SCARA3: variants seen among roughly 807,000 people sequenced by gnomAD.
The protein encoded by SCARA3 is scavenger receptor class A member 3.
SCARA3 carries 39 observed loss-of-function variants against 47.0 expected under a neutral mutation model. That is an observed-to-expected ratio of 0.83 (90% CI 0.64 to 1.08). The LOEUF is 1.08. Ranked by LOEUF, SCARA3 falls within the 50% of genes least tolerant of loss-of-function variation. The probability of loss-of-function intolerance (pLI) is 0.00; values close to 1 mark genes in which losing one functional copy is unlikely to be tolerated. For synonymous variants in SCARA3, 356 were observed against 334.1 expected (o/e 1.07, Z -0.71); for missense variants, 724 against 792.3 (o/e 0.91, Z 1.04).
intron 5 of SCARA3, among the ~76,000 whole-genome samples, chr8:27,670,668 C>A (rs1339268215): frequency 1.3e-5 from 2 of 152,136 alleles, no homozygotes; most frequent in African/African-American, 4.8e-5. Flanking sequence ...AGCTGGCCAG[C>A]CCCTTGTTCC....
chr8:27,720,678 A>G, the SCARA3 span, among the ~76,000 whole-genome samples: 1 of 151,408 alleles, frequency 6.6e-6, no homozygotes, highest in African/African-American at 2.4e-5. Flanking sequence ...CCATCCATCC[A>G]TCCATTCATC....
the SCARA3 span, among the ~76,000 whole-genome samples, chr8:27,721,528 T>C: frequency 1.3e-5 from 2 of 152,178 alleles, no homozygotes; most frequent in African/African-American, 2.4e-5. Flanking sequence ...TTATTGTCCA[T>C]GAACAAGGGT....
Position 27,671,738 on chromosome 8 carries a change from A to G in SCARA3, c.*387A>G, listed in dbSNP as rs1309174286. 3 of 1,027,458 alleles carry G rather than the reference A, an allele frequency of 2.9e-6. No homozygotes were observed. Among genetic ancestry groups the G allele is most frequent in the Non-Finnish European group, 3.5e-6 (3 of 857,684 alleles). The allele number at this position is 1,027,458 out of a possible 1,614,324, so 63.6% of individuals were successfully genotyped here. A position where few individuals can be genotyped will look rare whatever the true frequency, so the allele number is the denominator to read the frequency against. On this transcript the variant is annotated 3_prime_UTR_variant, in exon 6 of 6. Coordinates refer to ENST00000301904, the MANE Select transcript of SCARA3 (RefSeq NM_016240.3). ...CACATACACATGCACACACACATGC[A>G]CACATATATGCACAGGCACACACAT... is the stretch of plus-strand genomic sequence containing the variant.
the SCARA3 span, among the ~76,000 whole-genome samples, chr8:27,722,419 T>C: frequency 3.3e-5 from 5 of 152,000 alleles, no homozygotes; most frequent in African/African-American, 1.2e-4. Flanking sequence ...TCTGCATCTA[T>C]AAAAAAAGAG....
chr8:27,648,953 A>G (rs1325502542), intron 1 of SCARA3, among the ~76,000 whole-genome samples: 1 of 151,464 alleles, frequency 6.6e-6, no homozygotes, highest in Non-Finnish European at 1.5e-5. Context: ...AGGAGGGAGG[A>G]AAGTAGGGAA....
chr8:27,717,027 G>A, the SCARA3 span, among the ~76,000 whole-genome samples: 1 of 152,128 alleles, frequency 6.6e-6, no homozygotes, highest in Admixed American at 6.6e-5. Context: ...CTTCTACAAA[G>A]ACTGGGGTGT....
At chr8:27,694,226 A>G in the SCARA3 span, among the ~76,000 whole-genome samples, 15 of 152,334 alleles carry the variant, frequency 9.8e-5, no homozygotes, top group Admixed American at 7.8e-4. Context: ...TCATAGGGGA[A>G]TAATGAGGAT....
chr8:27,725,770 G>A, the SCARA3 span, among the ~76,000 whole-genome samples: 2 of 152,166 alleles, frequency 1.3e-5, no homozygotes, highest in African/African-American at 4.8e-5. Context: ...AAGAGTTGGG[G>A]GGTCTTGCCC....
In SCARA3 at chr8:27,653,261, C is replaced by A. The variant is rs11984739; in HGVS notation, c.226+1634C>A. Among the ~76,000 whole-genome samples, 467 of 152,324 alleles carry A rather than the reference C, an allele frequency of 3.1e-3. 5 individuals carry two copies. The highest frequency in any genetic ancestry group is 0.011 in the African/African-American group (451 of 41,564). On this transcript the variant is annotated intron_variant, in intron 3 of 5. Transcript: ENST00000301904. Reference sequence around the variant, plus strand: ...AGGATGACAGAATGTGAGACGCTGTCATGTGCATAACATCCATGAGTCAGC... The same window carrying A: ...AGGATGACAGAATGTGAGACGCTGTAATGTGCATAACATCCATGAGTCAGC...
In SCARA3 at chr8:27,669,292, C is replaced by T. The variant is rs535119950; in HGVS notation, c.1370-1608C>T. Reference sequence around the variant, plus strand: ...AACAGGGTTGCCAGCATTGCCGCACCGCCAACAGCTTCGTGGGGCGTCTCC... The same window carrying T: ...AACAGGGTTGCCAGCATTGCCGCACTGCCAACAGCTTCGTGGGGCGTCTCC... On this transcript the variant is annotated intron_variant, in intron 5 of 5. Transcript: ENST00000301904. Among the ~76,000 whole-genome samples, 5 of 152,352 alleles carry T rather than the reference C, an allele frequency of 3.3e-5. No homozygotes were observed. In the East Asian group the frequency reaches 5.8e-4, roughly 18 times the overall value.
Position 27,671,663 on chromosome 8 carries a change from CACACATGCACACAT to C in SCARA3, c.*317_*330del. 1.8e-6 allele frequency: 2 copies of C among 1,110,824 alleles called. No homozygotes were observed. Among genetic ancestry groups the C allele is most frequent in the Non-Finnish European group, 2.2e-6 (2 of 902,924 alleles). 68.8% of individuals were successfully genotyped at this position (1,110,824 alleles called of 1,614,324 possible). On this transcript the variant is annotated 3_prime_UTR_variant, in exon 6 of 6. Coordinates refer to ENST00000301904, the MANE Select transcript of SCARA3 (RefSeq NM_016240.3). Reference sequence around the variant, plus strand: ...GCATGCACACACACATGCACGCACACACACATGCACACATACACGTGCACACATACACAGGCACA... The same window carrying C: ...GCATGCACACACACATGCACGCACACACACGTGCACACATACACAGGCACA...
chr8:27,651,708 C>T, intron 3 of SCARA3, 81 bp downstream of exon 3: 1 of 1,557,256 alleles, frequency 6.4e-7, no homozygotes. Context: ...CCTGCAAAGA[C>T]AAACACTTGA....
the SCARA3 span, among the ~76,000 whole-genome samples, chr8:27,690,942 C>T: frequency 1.3e-5 from 2 of 152,062 alleles, no homozygotes; most frequent in South Asian, 4.1e-4. Flanking sequence ...CTTAGACACC[C>T]AATGTGCTGG....
At chr8:27,716,218 C>T in the SCARA3 span, among the ~76,000 whole-genome samples, 2 of 151,978 alleles carry the variant, frequency 1.3e-5, no homozygotes, top group African/African-American at 2.4e-5. Context: ...GAGGCTGAGG[C>T]GGGAGGATCA....
At chr8:27,682,614 A>T in the SCARA3 span, among the ~76,000 whole-genome samples, 2 of 152,132 alleles carry the variant, frequency 1.3e-5, no homozygotes, top group Non-Finnish European at 2.9e-5. Flanking sequence ...AATATGTAAC[A>T]TGTGTAAAGA....
chr8:27,708,876 G>T, the SCARA3 span, among the ~76,000 whole-genome samples: 1 of 152,078 alleles, frequency 6.6e-6, no homozygotes, highest in Non-Finnish European at 1.5e-5. Context: ...TAGCAAAAAA[G>T]AAATGTGAGT....
At chr8:27,646,965 C>T (rs1801508656) in intron 1 of SCARA3, among the ~76,000 whole-genome samples, 1 of 48,316 alleles carries the variant, frequency 2.1e-5, no homozygotes, top group Non-Finnish European at 4.2e-5. Flanking sequence ...CACCCCTGAC[C>T]GCCCCCGCCC....
rs1801791911 is a variant in SCARA3 at position 27,658,510 on chromosome 8, A to G, written c.340A>G (p.Asn114Asp). The change falls in exon 5 of 6, where the codon AAC (asparagine) becomes GAC (aspartate). Residue 114 changes from asparagine to aspartate, a missense_variant. Physicochemically the swap from Asn to Asp is conservative, Grantham distance 23. Coordinates refer to ENST00000301904, the MANE Select transcript of SCARA3 (RefSeq NM_016240.3). ...TTCCCCTAAAGATCCGAAAGCCCTG[A>G]ACAACTGCTCTTTCTGCCATGAAGC... is the stretch of plus-strand genomic sequence containing the variant. ...NLQGLDPKAL[N>D]NCSFCHEAGQ... 18 of 1,609,400 alleles carry G rather than the reference A, an allele frequency of 1.1e-5. No homozygotes were observed. Among genetic ancestry groups the G allele is most frequent in the Non-Finnish European group, 1.4e-5 (17 of 1,177,936 alleles).
At chr8:27,687,943 G>T in the SCARA3 span, among the ~76,000 whole-genome samples, 2 of 152,140 alleles carry the variant, frequency 1.3e-5, no homozygotes, top group African/African-American at 2.4e-5. Flanking sequence ...TTGAACCCGG[G>T]AGGCGGAGGT....
Sources: allele counts gnomAD v4.1 joint callset (sites outside exome capture counted in the v4.1 genomes callset), GRCh38; gene constraint gnomAD v4.1.1; transcripts MANE v1.5; gene names NCBI Gene and HGNC (gene_info 2026-07-23, HGNC 2026-07-21).